The following TMOD2 variants were observed in gnomAD, a reference collection of about 807,000 sequenced individuals.
TMOD2 encodes the protein tropomodulin-2.
Under a neutral mutation model 39.9 loss-of-function variants are expected in TMOD2, and 22 were observed. That is an observed-to-expected ratio of 0.55 (90% CI 0.39 to 0.79). The LOEUF (loss-of-function observed/expected upper bound fraction) is 0.79. Ranked by LOEUF, TMOD2 falls within the 30% of genes least tolerant of loss-of-function variation. The pLI is 0.00. For synonymous variants in TMOD2, 123 were observed against 146.1 expected, an observed-to-expected ratio of 0.84 and a Z score of 1.14; for missense variants, 386 against 413.3, an observed-to-expected ratio of 0.93 and a Z score of 0.57.
At chr15:51,787,230 T>C (rs2055976812) in intron 7 of TMOD2, among the ~76,000 whole-genome samples, 1 of 152,222 alleles carries the variant, frequency 6.6e-6, no homozygotes, top group Non-Finnish European at 1.5e-5. Context: ...TGCTCACTGC[T>C]AGCACAGCAG....
chr15:51,805,865 G>A (rs937351597), intron 8 of TMOD2, among the ~76,000 whole-genome samples: 2 of 152,156 alleles, frequency 1.3e-5, no homozygotes, highest in African/African-American at 4.8e-5. Context: ...TATTGTGATT[G>A]TACTATATGC....
rs1334489026 is a variant in TMOD2 at position 51,801,233 on chromosome 15, T to TCACACACACA, written c.876+2894_876+2895insACACACACAC. Among the ~76,000 whole-genome samples, 869 of 96,994 alleles carry TCACACACACA rather than the reference T, an allele frequency of 9.0e-3. 12 individuals are homozygous for TCACACACACA. Among genetic ancestry groups the TCACACACACA allele is most frequent in the African/African-American group, 0.038 (832 of 22,104 alleles). 63.6% of individuals were successfully genotyped at this position (96,994 alleles called of 152,430 possible). ...TTCTCTCTCCCTCTCTCTCTCTCTCTCTCTCACACACACACACACACACAC... is the reference window on the plus strand; with the variant it reads ...TTCTCTCTCCCTCTCTCTCTCTCTCTCACACACACACTCTCACACACACACACACACACAC... On this transcript the variant is annotated intron_variant, in intron 8 of 9. Transcript: ENST00000249700.
chr15:51,771,967 T>G (rs577946800), intron 3 of TMOD2, among the ~76,000 whole-genome samples: 231 of 152,194 alleles, frequency 1.5e-3, no homozygotes, highest in Non-Finnish European at 2.0e-3. Flanking sequence ...TGCCCCAGAC[T>G]GACGACAAGC....
chr15:51,753,067 G>A (rs2055718234), intron 1 of TMOD2, among the ~76,000 whole-genome samples: 1 of 152,178 alleles, frequency 6.6e-6, no homozygotes, highest in Non-Finnish European at 1.5e-5. Context: ...GCCCCAGCAA[G>A]AAGTAACCAG....
chr15:51,798,920 G>A (rs952199044), intron 8 of TMOD2, among the ~76,000 whole-genome samples: 1 of 152,182 alleles, frequency 6.6e-6, no homozygotes, highest in African/African-American at 2.4e-5. Context: ...ATGAGATTGT[G>A]GTCTGATCAC....
intron 7 of TMOD2, among the ~76,000 whole-genome samples, chr15:51,785,920 CAACT>C (rs1357827797): frequency 1.3e-5 from 2 of 151,928 alleles, no homozygotes; most frequent in Non-Finnish European, 2.9e-5. Flanking sequence ...AAAATATGTA[CAACT>C]ATTATTTATC....
chr15:51,800,997 G>T (rs770379252), intron 8 of TMOD2, among the ~76,000 whole-genome samples: 2 of 152,072 alleles, frequency 1.3e-5, no homozygotes, highest in Admixed American at 1.3e-4. Context: ...GAGCCCCACC[G>T]CGCCTAGCCT....
At chr15:51,798,481 C>A in intron 8 of TMOD2, 141 bp downstream of exon 8, 1 of 1,042,624 alleles carries the variant, frequency 9.6e-7, no homozygotes, top group Non-Finnish European at 1.4e-6. Flanking sequence ...GTTTTAGAAC[C>A]ATTTCTGGCC....
intron 8 of TMOD2, among the ~76,000 whole-genome samples, chr15:51,805,334 C>A (rs911702994): frequency 5.9e-5 from 9 of 151,862 alleles, no homozygotes; most frequent in African/African-American, 1.9e-4. Context: ...AACAAAAAAA[C>A]CTCTTCCCAC....
chr15:51,806,607 C>G (rs748322625), intron 9 of TMOD2, 86 bp downstream of exon 9: 38 of 1,478,858 alleles, frequency 2.6e-5, no homozygotes, highest in Non-Finnish European at 3.4e-5. Context: ...CTCACAGATA[C>G]CATTCCACTG....
chr15:51,807,540 G>A lies in TMOD2; in HGVS notation c.1022-880G>A, dbSNP rs192107365. The stretch of plus-strand genomic sequence containing the variant: ...GGCAAATAGGGATTTGGGGAAGAGT[G>A]GAAGCAGCAATCAGAAGGCACCTAG... On this transcript the variant is annotated intron_variant, in intron 9 of 9. Transcript: ENST00000249700. 1.7e-3 allele frequency among the ~76,000 whole-genome samples: 263 copies of A among 152,208 alleles called. 1 individual carries two copies. Among genetic ancestry groups the A allele is most frequent in the African/African-American group, 6.0e-3 (250 of 41,508 alleles).
At chr15:51,780,385 G>A (rs769022509) in intron 5 of TMOD2, among the ~76,000 whole-genome samples, 1 of 152,122 alleles carries the variant, frequency 6.6e-6, no homozygotes, top group Non-Finnish European at 1.5e-5. Context: ...TTATTTTGGA[G>A]CTTAGTTACT....
intron 1 of TMOD2, among the ~76,000 whole-genome samples, chr15:51,753,758 G>GAA (rs527755218): frequency 1.6e-5 from 2 of 123,174 alleles, no homozygotes; most frequent in Non-Finnish European, 1.7e-5. Flanking sequence ...AGCTGTGTCA[G>GAA]AAAAAAAAAA....
At chr15:51,761,900 C>A (rs571236703) in intron 1 of TMOD2, among the ~76,000 whole-genome samples, 1 of 152,142 alleles carries the variant, frequency 6.6e-6, no homozygotes, top group East Asian at 1.9e-4. Flanking sequence ...GTAATCCCAG[C>A]ACTTTGGGAG....
chr15:51,773,026 T>C (rs1411880459), intron 3 of TMOD2, among the ~76,000 whole-genome samples: 2 of 152,156 alleles, frequency 1.3e-5, no homozygotes, highest in Non-Finnish European at 2.9e-5. Flanking sequence ...AAGAGTTCCA[T>C]GCAGGGATAT....
chr15:51,768,561 T>A, intron 3 of TMOD2, 143 bp downstream of exon 3: 3 of 886,414 alleles, frequency 3.4e-6, no homozygotes, highest in Non-Finnish European at 5.1e-6. Context: ...ACATGGGAAA[T>A]AAGCCCATGA....
intron 8 of TMOD2, among the ~76,000 whole-genome samples, chr15:51,801,959 A>ATAG (rs1392851453): frequency 7.0e-4 from 90 of 128,020 alleles, no homozygotes; most frequent in African/African-American, 2.4e-3. Context: ...TAACATAATA[A>ATAG]AAGTTATATA....
Position 51,806,444 on chromosome 15 carries a change from T to G in TMOD2, c.944T>G (p.Leu315Arg). 7 of 1,614,194 alleles carry G rather than the reference T, an allele frequency of 4.3e-6. No homozygotes were observed. The highest frequency in any genetic ancestry group is 5.9e-6 in the Non-Finnish European group (7 of 1,180,034). The change falls in exon 9 of 10, where the codon CTC becomes CGC. Residue 315 changes from leucine to arginine, a missense_variant. Physicochemically the swap from Leu to Arg is moderately radical, Grantham distance 102. Coordinates refer to ENST00000249700, the MANE Select transcript of TMOD2 (RefSeq NM_014548.4). ...ATGCTGGAGGAGAATTCAAGGATCC[T>G]CAAGTTTGGATACCAGTTTACCAAG... is the stretch of plus-strand genomic sequence containing the variant. ...AQMLEENSRI[L>R]KFGYQFTKQG...
chr15:51,772,835 TACTC>T (rs1246778606), intron 3 of TMOD2, among the ~76,000 whole-genome samples: 1 of 152,172 alleles, frequency 6.6e-6, no homozygotes, highest in Non-Finnish European at 1.5e-5. Context: ...ACCAGTTTGT[TACTC>T]AGGAACCCCT....
Sources: allele counts gnomAD v4.1 joint callset (sites outside exome capture counted in the v4.1 genomes callset), GRCh38; gene constraint gnomAD v4.1.1; transcripts MANE v1.5; gene names NCBI Gene and HGNC (gene_info 2026-07-23, HGNC 2026-07-21).